Variants in PTPN7 observed in about 807,000 individuals in gnomAD.
PTPN7 encodes the protein tyrosine-protein phosphatase non-receptor type 7.
Under a neutral mutation model 50.3 loss-of-function variants are expected in PTPN7, and 33 were observed. The ratio of observed to expected loss-of-function variants is 0.66; its 90% CI spans 0.50 to 0.88. The LOEUF is 0.88. Ranked by LOEUF, PTPN7 falls within the 40% of genes least tolerant of loss-of-function variation. The probability of loss-of-function intolerance (pLI) is 0.00; values close to 1 mark genes in which losing one functional copy is unlikely to be tolerated. For synonymous variants in PTPN7, 185 were observed against 186.6 expected (o/e 0.99, Z 0.07); for missense variants, 412 against 475.4 (o/e 0.87, Z 1.24).
chr1:202,159,579 C>T lies in PTPN7; in HGVS notation c.-52-125G>A. 1 of 1,491,244 alleles carries T rather than the reference C, an allele frequency of 6.7e-7. No individual in the cohort carries two copies. The highest frequency in any genetic ancestry group is 1.4e-5 in the South Asian group (1 of 73,504). The allele number at this position is 1,491,244 out of a possible 1,614,324, so 92.4% of individuals were successfully genotyped here. On this transcript the variant is annotated intron_variant, in intron 1 of 9. Coordinates refer to ENST00000691036, the MANE Select transcript of PTPN7 (RefSeq NM_002832.4). This position sits in a 1 kb window ranked among gnomAD's most constrained non-coding sequence, Gnocchi z 4.6. ...CGTCTTCTGTTCCCCAAGAGGTGGC[C>T]TCATTTTCACTAAGGGAAGGACAGG... is the stretch of plus-strand genomic sequence containing the variant.
intron 2 of PTPN7, 103 bp from the exon 3 acceptor site, chr1:202,158,404 G>T: frequency 1.6e-6 from 2 of 1,254,356 alleles, no homozygotes; most frequent in Non-Finnish European, 2.2e-6. Flanking sequence ...CTGTTGCCCA[G>T]GTCTGGAGTG....
chr1:202,150,555 G>A, intron 8 of PTPN7, 131 bp from the exon 9 acceptor site: 1 of 680,104 alleles, frequency 1.5e-6, no homozygotes, highest in Non-Finnish European at 2.5e-6. Flanking sequence ...TGGAGATGGA[G>A]GCAGGTAGCA....
Position 202,159,178 on chromosome 1 carries a change from C to T in PTPN7, c.122+103G>A, listed in dbSNP as rs1238873217. 1.7e-6 allele frequency: 2 copies of T among 1,180,986 alleles called. No individual in the cohort carries two copies. Among genetic ancestry groups the T allele is most frequent in the Non-Finnish European group, 2.5e-6 (2 of 809,150 alleles). The allele number at this position is 1,180,986 out of a possible 1,614,324, so 73.2% of individuals were successfully genotyped here. A position where few individuals can be genotyped will look rare whatever the true frequency, so the allele number is the denominator to read the frequency against. ...CAAATTGGAGTCAACAACTGAGGGC[C>T]CTCTGGACCCTGCTGTCAGAGCTGG... On this transcript the variant is annotated intron_variant, in intron 2 of 9. Coordinates refer to ENST00000691036, the MANE Select transcript of PTPN7 (RefSeq NM_002832.4). This position sits in a 1 kb window ranked among gnomAD's most constrained non-coding sequence, Gnocchi z 4.6.
chr1:202,152,693 C>G lies in PTPN7; in HGVS notation c.724G>C (p.Glu242Gln), dbSNP rs751677381. ...TVRQLTIQYQEERRSVKHILF... is the reference protein window; with the variant it reads ...TVRQLTIQYQQERRSVKHILF... ...ATGTGCTTTACTGACCGGCGCTCTT[C>G]CTGGTACTGGATTGGAGACAAGGCA... The change falls in exon 8 of 10, where the codon GAA (glutamate) becomes CAA (glutamine). Residue 242 changes from glutamate (E) to glutamine (Q), a missense_variant. Transcript: ENST00000691036. The G allele has an allele frequency of 6.2e-7, 1 of 1,614,068 alleles. No individual in the cohort carries two copies.
In PTPN7 at chr1:202,158,427, T is replaced by A; in HGVS notation, c.123-126A>T. ...CAGGTCTGGAGTGTGATGGCACTATTATGGCTCACAGCAGCCTCAAACTCC... is the reference window on the plus strand; with the variant it reads ...CAGGTCTGGAGTGTGATGGCACTATAATGGCTCACAGCAGCCTCAAACTCC... On this transcript the variant is annotated intron_variant, in intron 2 of 9. Coordinates refer to ENST00000691036, the MANE Select transcript of PTPN7 (RefSeq NM_002832.4). 4.0e-6 allele frequency: 4 copies of A among 993,278 alleles called. No individual in the cohort carries two copies. The South Asian group carries it at 5.0e-5, about 12-fold the overall frequency. 61.5% of individuals were successfully genotyped at this position (993,278 alleles called of 1,614,324 possible). A position where few individuals can be genotyped will look rare whatever the true frequency, so the allele number is the denominator to read the frequency against.
rs778246158 is a variant in PTPN7 at position 202,148,716 on chromosome 1, A to C, written c.990-17T>G. The C allele has an allele frequency of 2.5e-6, 4 of 1,610,144 alleles. No individual in the cohort carries two copies. In the African/African-American group the frequency reaches 4.0e-5, roughly 16 times the overall value. ...ATCCCCCCTCTGCAAGGAGAAACAC[A>C]CAGACCATGAGTGAAGGAGGGTCAG... On this transcript the variant is annotated splice_polypyrimidine_tract_variant and intron_variant, in intron 9 of 9. Coordinates refer to ENST00000691036, the MANE Select transcript of PTPN7 (RefSeq NM_002832.4).
chr1:202,161,059 T>G, upstream of PTPN7: 1 of 1,380,590 alleles, frequency 7.2e-7, no homozygotes, highest in South Asian at 1.8e-5. Context: ...TCAAAGCCCT[T>G]GCTGCTTCAA....
chr1:202,157,785 G>A lies in PTPN7; in HGVS notation c.345C>T (p.Asp115=), dbSNP rs1656847769. The A allele has an allele frequency of 6.2e-7, 1 of 1,614,174 alleles. No individual in the cohort carries two copies. Among genetic ancestry groups the A allele is most frequent in the Non-Finnish European group, 8.5e-7 (1 of 1,180,012 alleles). Residue 115 remains aspartate, a synonymous_variant, in exon 4 of 10, where the codon GAC becomes GAT. Coordinates refer to ENST00000691036, the MANE Select transcript of PTPN7 (RefSeq NM_002832.4). ...GGTCCTTGGAGGCGTGGCCAGGGATGTCCAGGTCTTCGGGGCTGACAAAGT... is the reference window on the plus strand; with the variant it reads ...GGTCCTTGGAGGCGTGGCCAGGGATATCCAGGTCTTCGGGGCTGACAAAGT... The part of the protein sequence containing the change: ...PSNFVSPEDL[D]IPGHASKDRY...
At chr1:202,161,051 A>C, upstream of PTPN7, 1 of 1,381,532 alleles carries the variant, frequency 7.2e-7, no homozygotes, top group Non-Finnish European at 9.3e-7. Context: ...CCTCTCCCTC[A>C]AAGCCCTTGC....
chr1:202,157,441 G>A (rs377496180), intron 4 of PTPN7, among the ~76,000 whole-genome samples: 18 of 152,118 alleles, frequency 1.2e-4, no homozygotes, highest in African/African-American at 2.4e-4. Context: ...CCCGGGAGGC[G>A]GAGGTTGCAG....
chr1:202,158,399 GC>G, intron 2 of PTPN7, 98 bp from the exon 3 acceptor site: 1 of 1,316,492 alleles, frequency 7.6e-7, no homozygotes, highest in Non-Finnish European at 1.0e-6. Context: ...TCTCTCTGTT[GC>G]CCAGGTCTGG....
chr1:202,157,551 G>A (rs1213118458), intron 4 of PTPN7, among the ~76,000 whole-genome samples, 188 bp downstream of exon 4: 1 of 151,978 alleles, frequency 6.6e-6, no homozygotes, highest in East Asian at 1.9e-4. Flanking sequence ...CTGGCCCAGG[G>A]TACATATCTG....
Position 202,152,647 on chromosome 1 carries a change from T to A in PTPN7, c.770A>T (p.Asp257Val), listed in dbSNP as rs1656156650. 6.2e-7 allele frequency: 1 copy of A among 1,613,924 alleles called. No homozygotes were observed. Among genetic ancestry groups the A allele is most frequent in the African/African-American group, 1.3e-5 (1 of 74,868 alleles). The change falls in exon 8 of 10, where the codon GAC becomes GTC. Residue 257 changes from aspartate (D) to valine (V), a missense_variant. Coordinates refer to ENST00000691036, the MANE Select transcript of PTPN7 (RefSeq NM_002832.4). ...CCCAGCTGATTCTGGTGTCTGATGG[T>A]CTGGCCAGGCCGAAAAGAGGATGTG... ...VKHILFSAWP[D>V]HQTPESAGPL... is the part of the protein sequence containing the mutation.
Position 202,147,875 on chromosome 1 carries a change from T to C in PTPN7, c.*731A>G, listed in dbSNP as rs1337619989. The C allele has an allele frequency of 6.6e-6, 1 of 152,188 alleles. No homozygotes were observed. The highest frequency in any genetic ancestry group is 1.5e-5 in the Non-Finnish European group (1 of 68,052). The allele number at this position is 152,188 out of a possible 1,614,324, so 9.4% of individuals were successfully genotyped here. A position where few individuals can be genotyped will look rare whatever the true frequency, so the allele number is the denominator to read the frequency against. On this transcript the variant is annotated 3_prime_UTR_variant, in exon 10 of 10. Transcript: ENST00000691036. ...GGAGCAGCTCCTCTTTGCCTCTGAG[T>C]AGTCCCCACATGTTCCCTCTTCCAG...
upstream of PTPN7, chr1:202,161,152 G>A (rs1255989164): frequency 1.2e-5 from 14 of 1,185,266 alleles, no homozygotes; most frequent in Non-Finnish European, 1.5e-5. Context: ...AAAAGAAGAA[G>A]CAAGAATCCA....
At chr1:202,154,053 A>G (rs1656359182) in intron 6 of PTPN7, 133 bp downstream of exon 6, 2 of 1,316,800 alleles carry the variant, frequency 1.5e-6, no homozygotes, top group Admixed American at 1.9e-5. Context: ...ATCTCAGGGA[A>G]CTTTCTGAGA....
At chr1:202,158,387 T>C (rs372768259) in intron 2 of PTPN7, 86 bp from the exon 3 acceptor site, 5 of 1,401,456 alleles carry the variant, frequency 3.6e-6, no homozygotes, top group South Asian at 1.3e-5. Flanking sequence ...AGAGATAGGG[T>C]CTCTCTCTGT....
Position 202,153,818 on chromosome 1 carries a change from C to G in PTPN7, c.624G>C (p.Trp208Cys), listed in dbSNP as rs1656329283. The change falls in exon 7 of 10, where the codon TGG (tryptophan) becomes TGC (cysteine). Residue 208 changes from tryptophan to cysteine, a missense_variant. Coordinates refer to ENST00000691036, the MANE Select transcript of PTPN7 (RefSeq NM_002832.4). ...REGKEKCVHY[W>C]PTEEETYGPF... ...GTCCATAGGTTTCCTCTTCTGTGGG[C>G]CAGTAGTGGACACATTTCTAGGAGG... 4 of 1,613,540 alleles carry G rather than the reference C, an allele frequency of 2.5e-6. No homozygotes were observed. Among genetic ancestry groups the G allele is most frequent in the African/African-American group, 2.7e-5 (2 of 74,856 alleles).
chr1:202,157,902 G>T (rs1417478646), intron 3 of PTPN7, 79 bp from the exon 4 acceptor site: 1 of 1,471,584 alleles, frequency 6.8e-7, no homozygotes, highest in Non-Finnish European at 9.5e-7. Flanking sequence ...AGAACAGCTG[G>T]ACTCTGGCCA....
Sources: allele counts gnomAD v4.1 joint callset (sites outside exome capture counted in the v4.1 genomes callset), GRCh38; gene constraint gnomAD v4.1.1; non-coding constraint Gnocchi (gnomAD v3.1); transcripts MANE v1.5; gene names NCBI Gene and HGNC (gene_info 2026-07-23, HGNC 2026-07-21).